CUX2: variants seen among roughly 807,000 people sequenced by gnomAD.
CUX2 encodes the protein homeobox protein cut-like 2.
Under a neutral mutation model 144.8 loss-of-function variants are expected in CUX2, and 40 were observed. The ratio of observed to expected loss-of-function variants is 0.28; its 90% CI spans 0.21 to 0.36. CUX2 has a LOEUF of 0.36. Ranked by LOEUF, CUX2 falls within the 10% of genes least tolerant of loss-of-function variation. The pLI is 1.00. For synonymous variants in CUX2, 827 were observed against 875.6 expected, an observed-to-expected ratio of 0.94 and a Z score of 0.98; for missense variants, 1,615 against 1,994.0, an observed-to-expected ratio of 0.81 and a Z score of 3.62.
intron 3 of CUX2, among the ~76,000 whole-genome samples, chr12:111,235,207 G>C (rs1371074565): frequency 6.6e-6 from 1 of 152,140 alleles, no homozygotes; most frequent in African/African-American, 2.4e-5. Flanking sequence ...AGGCGGGGCT[G>C]GGGGAGAGGA....
rs1878551275 is a variant in CUX2 at position 111,171,964 on chromosome 12, T to C, written c.64-42236T>C. Among the ~76,000 whole-genome samples, 1 of 152,062 alleles carries C rather than the reference T, an allele frequency of 6.6e-6. No homozygotes were observed. ...GTACACGTGCGTGTGTGTGCGTGCA[T>C]GTGCATGCACCTGTGTGTGTGTGCA... On this transcript the variant is annotated intron_variant, in intron 1 of 21. Coordinates refer to ENST00000261726, the MANE Select transcript of CUX2 (RefSeq NM_015267.4). This position sits in a 1 kb window ranked among gnomAD's most constrained non-coding sequence, Gnocchi z 5.0.
At chr12:111,154,466 G>A (rs1441357072) in intron 1 of CUX2, among the ~76,000 whole-genome samples, 1 of 152,156 alleles carries the variant, frequency 6.6e-6, no homozygotes, top group Non-Finnish European at 1.5e-5. Flanking sequence ...CACTCTCGAG[G>A]AAGGCCAGCC....
At chr12:111,149,462 T>C (rs901994899) in intron 1 of CUX2, among the ~76,000 whole-genome samples, 1 of 152,072 alleles carries the variant, frequency 6.6e-6, no homozygotes, top group Non-Finnish European at 1.5e-5. Context: ...TGTGGGGTGT[T>C]CAGTGGCATC....
intron 1 of CUX2, among the ~76,000 whole-genome samples, chr12:111,079,043 T>C (rs1387079593): frequency 6.6e-6 from 1 of 152,224 alleles, no homozygotes; most frequent in Non-Finnish European, 1.5e-5. Context: ...GTCTATGGAC[T>C]GGGAAGAGCT....
chr12:111,301,026 G>A (rs1419283019), intron 9 of CUX2, among the ~76,000 whole-genome samples: 6 of 134,380 alleles, frequency 4.5e-5, no homozygotes, highest in African/African-American at 1.9e-4. Context: ...ACAACAGAGT[G>A]AGACCCTATC....
chr12:111,211,886 CAAAAAAAA>C (rs1169597609), intron 1 of CUX2, among the ~76,000 whole-genome samples: 6 of 84,668 alleles, frequency 7.1e-5, no homozygotes, highest in Non-Finnish European at 1.3e-4. Flanking sequence ...GACTCCGTCT[CAAAAAAAA>C]AAAAAAAAGT....
In CUX2 at chr12:111,322,543, C is replaced by G; in HGVS notation, c.2889C>G (p.Leu963=). ...TGCAGCTGTGGCTCTCTGACCAGCT[C>G]GGCCAGGCAGTGGGCCAGCAGCCTG... The part of the protein sequence containing the change: ...IRMQLWLSDQ[L]GQAVGQQPGA... Residue 963 remains leucine, a synonymous_variant, in exon 18 of 22, where the codon CTC becomes CTG. Coordinates refer to ENST00000261726, the MANE Select transcript of CUX2 (RefSeq NM_015267.4). This position sits in a 1 kb window ranked among gnomAD's most constrained non-coding sequence, Gnocchi z 4.2. 1.2e-6 allele frequency: 2 copies of G among 1,609,820 alleles called. No individual in the cohort carries two copies. The highest frequency in any genetic ancestry group is 1.1e-5 in the South Asian group (1 of 90,346).
chr12:111,089,379 A>AAC (rs1872428886), intron 1 of CUX2, among the ~76,000 whole-genome samples: 1 of 152,232 alleles, frequency 6.6e-6, no homozygotes, highest in African/African-American at 2.4e-5. Context: ...TATGTTTGAT[A>AAC]ACACACTGTA....
At chr12:111,237,845 C>T (rs1360384079) in intron 3 of CUX2, among the ~76,000 whole-genome samples, 2 of 152,198 alleles carry the variant, frequency 1.3e-5, no homozygotes, top group Non-Finnish European at 2.9e-5. Flanking sequence ...CCCCTGCCCC[C>T]GTTTCTCCCC....
rs1264137796 is a variant in CUX2, at chr12:111,304,032, G to T, written c.754-178G>T. ...CAGAGGCTGCTATTTCTTGTCCCCA[G>T]CCCAGACAGGGCTCTGTGACTGGTC... On this transcript the variant is annotated intron_variant, in intron 9 of 21. Coordinates refer to ENST00000261726, the MANE Select transcript of CUX2 (RefSeq NM_015267.4). The surrounding 1 kb of genome is among the most constrained non-coding windows in gnomAD (Gnocchi z 4.7). 3.5e-6 allele frequency: 2 copies of T among 571,906 alleles called. No individual in the cohort carries two copies. The highest frequency in any genetic ancestry group is 2.9e-5 in the East Asian group (1 of 34,518). 35.4% of individuals were successfully genotyped at this position (571,906 alleles called of 1,614,324 possible).
rs577182094 is a variant in CUX2, at chr12:111,221,271, G to A, written c.222+3334G>A. Among the ~76,000 whole-genome samples, 477 of 152,300 alleles carry A rather than the reference G, an allele frequency of 3.1e-3. 2 individuals are homozygous for A. Among genetic ancestry groups the A allele is most frequent in the Admixed American group, 5.4e-3 (83 of 15,298 alleles). ...CTCGTGATCTATTGACTAAGCCATT[G>A]TGGCCTCTGTGTCCTCCTTGTGCCT... is the stretch of plus-strand genomic sequence containing the variant. On this transcript the variant is annotated intron_variant, in intron 3 of 21. Coordinates refer to ENST00000261726, the MANE Select transcript of CUX2 (RefSeq NM_015267.4).
intron 3 of CUX2, among the ~76,000 whole-genome samples, chr12:111,224,656 C>A (rs1882036753): frequency 6.6e-6 from 1 of 151,814 alleles, no homozygotes; most frequent in Admixed American, 6.6e-5. Context: ...GTAAACAGGG[C>A]CCCCTTAGAA....
intron 1 of CUX2, among the ~76,000 whole-genome samples, chr12:111,063,788 A>G (rs1157360540): frequency 1.3e-5 from 2 of 152,248 alleles, no homozygotes; most frequent in Non-Finnish European, 2.9e-5. Flanking sequence ...ATACTGATTC[A>G]TTATTGCACT....
At chr12:111,114,156 T>C (rs564542353) in intron 1 of CUX2, among the ~76,000 whole-genome samples, 6 of 152,338 alleles carry the variant, frequency 3.9e-5, no homozygotes, top group African/African-American at 1.4e-4. Flanking sequence ...TTTTAAGAGA[T>C]TGCCAAATTT....
Position 111,338,347 on chromosome 12 carries a change from G to C in CUX2, c.3258G>C (p.Leu1086=), listed in dbSNP as rs368083044. The C allele has an allele frequency of 6.2e-7, 1 of 1,614,094 alleles. No individual in the cohort carries two copies. Among genetic ancestry groups the C allele is most frequent in the Non-Finnish European group, 8.5e-7 (1 of 1,180,026 alleles). ...GLTQGSVSDL[L]SRPKPWHKLS... is the part of the protein sequence containing the mutation. ...CACAGGGCTCCGTGTCTGACCTGCT[G>C]TCCCGGCCCAAACCCTGGCACAAGC... is the stretch of plus-strand genomic sequence containing the variant. The change falls in exon 20 of 22, where the codon CTG becomes CTC. Residue 1086 remains leucine (L), a synonymous_variant. Coordinates refer to ENST00000261726, the MANE Select transcript of CUX2 (RefSeq NM_015267.4).
Position 111,220,422 on chromosome 12 carries a change from A to G in CUX2, c.222+2485A>G, listed in dbSNP as rs182417500. ...GGGTATGACTTATGTTATCTTTTCAATAGGAGAAATCCTAGGTTTGGGTGA... is the reference window on the plus strand; with the variant it reads ...GGGTATGACTTATGTTATCTTTTCAGTAGGAGAAATCCTAGGTTTGGGTGA... On this transcript the variant is annotated intron_variant, in intron 3 of 21. Coordinates refer to ENST00000261726, the MANE Select transcript of CUX2 (RefSeq NM_015267.4). Among the ~76,000 whole-genome samples, 452 of 152,116 alleles carry G rather than the reference A, an allele frequency of 3.0e-3. 2 individuals are homozygous for G. Among genetic ancestry groups the G allele is most frequent in the South Asian group, 7.3e-3 (35 of 4,822 alleles).
At chr12:111,036,162 G>T (rs1424979346) in intron 1 of CUX2, among the ~76,000 whole-genome samples, 3 of 152,268 alleles carry the variant, frequency 2.0e-5, no homozygotes, top group Admixed American at 1.3e-4. Context: ...GCTGGCGAAA[G>T]CCCTTTGCAG....
In CUX2 at chr12:111,310,268, G is replaced by A. The variant is rs766272518; in HGVS notation, c.1486G>A (p.Ala496Thr). 1.4e-5 allele frequency: 21 copies of A among 1,510,536 alleles called. No homozygotes were observed. The highest frequency in any genetic ancestry group is 3.6e-4 in the Middle Eastern group (2 of 5,598). 93.6% of individuals were successfully genotyped at this position (1,510,536 alleles called of 1,614,324 possible). ...GGAGAGACTGATGATGCCCCCAGCCGCCTTCAAGGGAGAGGCGGGCGGCCT... is the reference window on the plus strand; with the variant it reads ...GGAGAGACTGATGATGCCCCCAGCCACCTTCAAGGGAGAGGCGGGCGGCCT... The part of the protein sequence containing the change: ...SGERLMMPPA[A>T]FKGEAGGLLV... Residue 496 changes from alanine to threonine, a missense_variant, in exon 15 of 22, where the codon GCC (alanine) becomes ACC (threonine). By Grantham distance (58) the Ala-to-Thr change is moderately conservative. This residue lies in a region of CUX2 where 154 missense variants were observed against 148.4 expected (regional missense o/e 1.04). Coordinates refer to ENST00000261726, the MANE Select transcript of CUX2 (RefSeq NM_015267.4). The surrounding 1 kb of genome is among the most constrained non-coding windows in gnomAD (Gnocchi z 7.9).
intron 18 of CUX2, among the ~76,000 whole-genome samples, chr12:111,329,697 G>A (rs1301021030): frequency 6.6e-6 from 1 of 152,072 alleles, no homozygotes; most frequent in African/African-American, 2.4e-5. Flanking sequence ...GTGCAGTGGC[G>A]CAATCCCGGC....
Sources: allele counts gnomAD v4.1 joint callset (sites outside exome capture counted in the v4.1 genomes callset), GRCh38; gene constraint gnomAD v4.1.1; regional missense constraint gnomAD v4.1.1; non-coding constraint Gnocchi (gnomAD v3.1); transcripts MANE v1.5; gene names NCBI Gene and HGNC (gene_info 2026-07-23, HGNC 2026-07-21).